The following SDK1 variants were observed in gnomAD, a reference collection of about 807,000 sequenced individuals.
The protein encoded by SDK1 is protein sidekick-1.
In SDK1, 157 loss-of-function variants were observed where a neutral mutation model predicts 245.5. That is an observed-to-expected ratio of 0.64 (90% CI 0.56 to 0.73). The LOEUF is 0.73. Ranked by LOEUF, SDK1 falls within the 30% of genes least tolerant of loss-of-function variation. The probability of loss-of-function intolerance (pLI) is 0.00; values close to 1 mark genes in which losing one functional copy is unlikely to be tolerated. For synonymous variants in SDK1, 1,647 were observed against 1,278.5 expected, an observed-to-expected ratio of 1.29 and a Z score of -6.15; for missense variants, 3,583 against 3,002.3, an observed-to-expected ratio of 1.19 and a Z score of -4.52.
At chr7:3,320,313 A>G (rs1779771608) in intron 1 of SDK1, among the ~76,000 whole-genome samples, 2 of 151,444 alleles carry the variant, frequency 1.3e-5, no homozygotes, top group South Asian at 4.2e-4. Context: ...AAGTTCTCAT[A>G]TTATACATAC....
chr7:3,948,949 C>G (rs1001573755), intron 5 of SDK1, among the ~76,000 whole-genome samples: 1 of 152,238 alleles, frequency 6.6e-6, no homozygotes, highest in African/African-American at 2.4e-5. Context: ...CAAATATTAG[C>G]TTCTCCGGCC....
intron 22 of SDK1, among the ~76,000 whole-genome samples, chr7:4,096,933 C>T (rs1354866778): frequency 1.3e-5 from 2 of 152,200 alleles, no homozygotes; most frequent in South Asian, 2.1e-4. Context: ...TGGGCTCAAA[C>T]ACCCACAGTG....
intron 17 of SDK1, among the ~76,000 whole-genome samples, chr7:4,028,294 A>G (rs1168458772): frequency 6.6e-6 from 1 of 152,238 alleles, no homozygotes; most frequent in Non-Finnish European, 1.5e-5. Context: ...CCAAGGACTA[A>G]TAACCATGAG....
chr7:4,196,126 A>G (rs1379208193), intron 35 of SDK1, among the ~76,000 whole-genome samples: 2 of 152,198 alleles, frequency 1.3e-5, no homozygotes, highest in Non-Finnish European at 2.9e-5. Flanking sequence ...AGGCAGATTC[A>G]GGTTTGAATC....
At chr7:3,867,924 T>G (rs1780861526) in intron 5 of SDK1, among the ~76,000 whole-genome samples, 1 of 152,194 alleles carries the variant, frequency 6.6e-6, no homozygotes, top group Admixed American at 6.5e-5. Context: ...AAATATCATT[T>G]CTGGCAGACC....
intron 1 of SDK1, among the ~76,000 whole-genome samples, chr7:3,532,170 C>T (rs1412537392): frequency 1.3e-5 from 2 of 152,168 alleles, no homozygotes; most frequent in Non-Finnish European, 2.9e-5. Flanking sequence ...CTCAGGACTA[C>T]TGTTTTTTCC....
intron 30 of SDK1, among the ~76,000 whole-genome samples, chr7:4,153,797 CT>C (rs2128209551): frequency 6.6e-6 from 1 of 152,258 alleles, no homozygotes; most frequent in East Asian, 1.9e-4. Flanking sequence ...CTGTCTCAGC[CT>C]CCCGGGTAGC....
At chr7:3,544,348 T>G (rs554937580) in intron 1 of SDK1, among the ~76,000 whole-genome samples, 180 of 152,328 alleles carry the variant, frequency 1.2e-3, no homozygotes, top group South Asian at 2.3e-3. Flanking sequence ...GGAAACAGCT[T>G]GGATCAAGCA....
chr7:3,909,258 C>A (rs531397853), intron 5 of SDK1, among the ~76,000 whole-genome samples: 20 of 152,316 alleles, frequency 1.3e-4, no homozygotes, highest in African/African-American at 4.8e-4. Context: ...TTCAGCTCTG[C>A]TCTCCAGCAG....
At chr7:3,827,495 G>C (rs2115068235) in intron 5 of SDK1, among the ~76,000 whole-genome samples, 2 of 152,336 alleles carry the variant, frequency 1.3e-5, no homozygotes, top group South Asian at 4.1e-4. Context: ...AATTGAGAAA[G>C]TGAAAGACTC....
rs544007132 is a variant in SDK1 at position 3,861,483 on chromosome 7, T to C, written c.847+39900T>C. ...CTTGTGTGCTTCAAACTGAACAGTT[T>C]CCACTGACCCCCTGCTGCTTGGGTG... On this transcript the variant is annotated intron_variant, in intron 5 of 44. Transcript: ENST00000404826. Among the ~76,000 whole-genome samples the C allele has an allele frequency of 2.6e-5, 4 of 152,258 alleles. No individual in the cohort carries two copies. The South Asian group carries it at 8.3e-4, about 32-fold the overall frequency.
intron 22 of SDK1, among the ~76,000 whole-genome samples, chr7:4,086,372 G>A (rs1159595923): frequency 6.6e-6 from 1 of 152,198 alleles, no homozygotes; most frequent in Non-Finnish European, 1.5e-5. Context: ...CAGGTCAGAA[G>A]TCCAGCATGG....
chr7:3,821,334 C>G (rs1779640968), intron 4 of SDK1, 116 bp from the exon 5 acceptor site: 3 of 1,208,028 alleles, frequency 2.5e-6, no homozygotes, highest in East Asian at 2.5e-5. Flanking sequence ...TTTTGTCCTT[C>G]CAGCTCTTCT....
chr7:3,734,314 T>C (rs1347859033), intron 4 of SDK1, among the ~76,000 whole-genome samples: 1 of 152,228 alleles, frequency 6.6e-6, no homozygotes, highest in African/African-American at 2.4e-5. Context: ...TTCTGTGACT[T>C]AAAAATGAAA....
At chr7:3,877,405 G>A (rs753101393) in intron 5 of SDK1, among the ~76,000 whole-genome samples, 9 of 152,112 alleles carry the variant, frequency 5.9e-5, no homozygotes, top group Non-Finnish European at 8.8e-5. Context: ...TTAAACGTTC[G>A]ACATCTCAAA....
chr7:3,559,381 A>T (rs1779680371), intron 1 of SDK1, among the ~76,000 whole-genome samples: 1 of 151,898 alleles, frequency 6.6e-6, no homozygotes, highest in African/African-American at 2.4e-5. Flanking sequence ...ACCTTTGTGG[A>T]CTCTGCTTGG....
chr7:3,754,564 C>A (rs1779862786), intron 4 of SDK1, among the ~76,000 whole-genome samples: 7 of 152,024 alleles, frequency 4.6e-5, no homozygotes, highest in Admixed American at 4.6e-4. Context: ...CCTCAGTATC[C>A]CCTGTTCCCT....
chr7:3,574,605 A>G (rs16870889), intron 1 of SDK1, among the ~76,000 whole-genome samples: 10,969 of 152,086 alleles, frequency 0.072, 578 homozygotes, highest in East Asian at 0.19. Context: ...CGTGCCTGCC[A>G]TTTGCAAAGC....
At chr7:3,611,948 C>G (rs1056372669) in intron 1 of SDK1, among the ~76,000 whole-genome samples, 6 of 152,130 alleles carry the variant, frequency 3.9e-5, no homozygotes, top group African/African-American at 1.4e-4. Context: ...GCATTCACAG[C>G]TACCTGGCTG....
Sources: gnomAD v4.1 joint callset for allele counts (sites outside exome capture counted in the v4.1 genomes callset) on GRCh38, gnomAD v4.1.1 for gene constraint, MANE v1.5 for transcripts, NCBI Gene and HGNC (gene_info 2026-07-23, HGNC 2026-07-21) for gene names.